The following CSMD1 variants were observed in gnomAD, a reference collection of about 807,000 sequenced individuals.
CSMD1 encodes the protein CUB and sushi domain-containing protein 1.
CSMD1 carries 213 observed loss-of-function variants against 417.5 expected under a neutral mutation model. That is an observed-to-expected ratio of 0.51 (90% confidence interval 0.46 to 0.57). The LOEUF (loss-of-function observed/expected upper bound fraction) is 0.57, where lower values mean the gene tolerates loss of function less well. Among genes scored for constraint, CSMD1 ranks in the 20% least tolerant of loss-of-function variants. CSMD1 has a pLI of 0.00. For synonymous variants in CSMD1, 2,862 were observed against 1,736.8 expected, an observed-to-expected ratio of 1.65 and a Z score of -16.11; for missense variants, 6,923 against 4,529.7, an observed-to-expected ratio of 1.53 and a Z score of -15.17.
intron 2 of CSMD1, among the ~76,000 whole-genome samples, chr8:4,544,321 T>G (rs1384272659): frequency 6.6e-6 from 1 of 152,158 alleles, no homozygotes; most frequent in Non-Finnish European, 1.5e-5. Flanking sequence ...CTAAATTTAT[T>G]TATTTAATTT....
intron 5 of CSMD1, among the ~76,000 whole-genome samples, chr8:3,969,245 G>A (rs745834513): frequency 6.6e-6 from 1 of 152,098 alleles, no homozygotes; most frequent in Non-Finnish European, 1.5e-5. Flanking sequence ...GTGAGACTCT[G>A]TCTCGATAAA....
At chr8:3,600,676 G>T (rs1157131979) in intron 8 of CSMD1, among the ~76,000 whole-genome samples, 1 of 152,142 alleles carries the variant, frequency 6.6e-6, no homozygotes, top group East Asian at 1.9e-4. Flanking sequence ...CATTGCTCTG[G>T]TCTAAAGCGA....
chr8:3,351,016 A>C (rs1808385000), intron 21 of CSMD1, among the ~76,000 whole-genome samples: 1 of 152,220 alleles, frequency 6.6e-6, no homozygotes, highest in South Asian at 2.1e-4. Context: ...GGCAAAAGCA[A>C]CTCACCATCC....
At chr8:3,555,338 G>A (rs1051757107) in intron 10 of CSMD1, among the ~76,000 whole-genome samples, 1 of 152,072 alleles carries the variant, frequency 6.6e-6, no homozygotes, top group African/African-American at 2.4e-5. Flanking sequence ...CTTGGGACAC[G>A]TTCAGGGTAT....
At chr8:4,378,182 T>C (rs1802876298) in intron 3 of CSMD1, among the ~76,000 whole-genome samples, 1 of 152,212 alleles carries the variant, frequency 6.6e-6, no homozygotes, top group South Asian at 2.1e-4. Flanking sequence ...ATATTGCGAC[T>C]CTAATCGGCG....
At chr8:3,171,094 T>A (rs1820555037) in intron 37 of CSMD1, among the ~76,000 whole-genome samples, 1 of 152,184 alleles carries the variant, frequency 6.6e-6, no homozygotes, top group Admixed American at 6.5e-5. Flanking sequence ...TGATTATAGT[T>A]CATGAGAATG....
In CSMD1 at chr8:4,387,570, CAAAAAAAAA is replaced by C. The variant is rs540419006; in HGVS notation, c.415+32374_415+32382del. Among the ~76,000 whole-genome samples the C allele has an allele frequency of 7.5e-3, 281 of 37,254 alleles. 6 individuals are homozygous for C. Among genetic ancestry groups the C allele is most frequent in the African/African-American group, 0.02 (270 of 13,714 alleles). 24.4% of individuals were successfully genotyped at this position (37,254 alleles called of 152,430 possible). A position where few individuals can be genotyped will look rare whatever the true frequency, so the allele number is the denominator to read the frequency against. ...GAAGAGATGCATAAATCCAAACTGG[CAAAAAAAAA>C]AAAAAAAAAAAAAGAGTTGAATGTT... On this transcript the variant is annotated intron_variant, in intron 3 of 69. Coordinates refer to ENST00000635120, the MANE Select transcript of CSMD1 (RefSeq NM_033225.6).
At chr8:3,237,367 T>G (rs1799214013) in intron 26 of CSMD1, among the ~76,000 whole-genome samples, 1 of 151,622 alleles carries the variant, frequency 6.6e-6, no homozygotes, top group African/African-American at 2.4e-5. Context: ...CTCGGGAGGC[T>G]GAGGCAGGAG....
intron 5 of CSMD1, among the ~76,000 whole-genome samples, chr8:3,826,195 C>G (rs1175268005): frequency 6.6e-6 from 1 of 152,090 alleles, no homozygotes; most frequent in Non-Finnish European, 1.5e-5. Context: ...CTGTGGAGGC[C>G]TTCACGGTGG....
intron 8 of CSMD1, among the ~76,000 whole-genome samples, chr8:3,604,902 G>A (rs1269153298): frequency 6.6e-6 from 1 of 152,008 alleles, no homozygotes; most frequent in African/African-American, 2.4e-5. Context: ...TTTGGGCTTG[G>A]GCTTGTTTGA....
rs1006225171 is a variant in CSMD1, at chr8:3,343,383, A to T, written c.3542T>A (p.Leu1181Gln). The T allele has an allele frequency of 1.9e-6, 3 of 1,613,722 alleles. No individual in the cohort carries two copies. The highest frequency in any genetic ancestry group is 2.7e-5 in the African/African-American group (2 of 74,918). Residue 1181 changes from leucine to glutamine, a missense_variant, in exon 23 of 70, where the codon CTG becomes CAG. Physicochemically the swap from Leu to Gln is moderately radical, Grantham distance 113. Transcript: ENST00000635120. ...GTGATTGGATGTGCTGTTTAGGATC[A>T]GCCCCAGAAGTTCATTTTTAGTGAA... ...GTFTKNELLG[L>Q]ILNSTSNHLW...
chr8:3,333,990 T>A (rs1298495688), intron 23 of CSMD1, among the ~76,000 whole-genome samples: 1 of 152,182 alleles, frequency 6.6e-6, no homozygotes, highest in Non-Finnish European at 1.5e-5. Flanking sequence ...AAAATCTAGT[T>A]CTTAAAAAGA....
chr8:4,150,800 T>C (rs1796529184), intron 3 of CSMD1, among the ~76,000 whole-genome samples: 1 of 152,108 alleles, frequency 6.6e-6, no homozygotes, highest in Non-Finnish European at 1.5e-5. Context: ...TTTGCGCACT[T>C]GCAGAGGTGT....
intron 1 of CSMD1, among the ~76,000 whole-genome samples, chr8:4,945,286 T>C (rs4507785): frequency 0.87 from 132,430 of 152,162 alleles, 59,096 homozygotes; most frequent in East Asian, 0.98. Context: ...AACAGAGTTT[T>C]AGTTTTGCAA....
At chr8:4,444,878 T>C (rs1043149400) in intron 2 of CSMD1, among the ~76,000 whole-genome samples, 4 of 152,198 alleles carry the variant, frequency 2.6e-5, no homozygotes, top group Non-Finnish European at 5.9e-5. Context: ...GCCAAGGTAA[T>C]TGATTGTTCA....
intron 6 of CSMD1, among the ~76,000 whole-genome samples, chr8:3,735,577 G>T (rs939729494): frequency 6.6e-6 from 1 of 152,180 alleles, no homozygotes; most frequent in Admixed American, 6.5e-5. Context: ...AGCATGACTT[G>T]CTTCAGTGTC....
chr8:3,368,239 T>C (rs146028676), intron 19 of CSMD1, among the ~76,000 whole-genome samples: 24 of 152,350 alleles, frequency 1.6e-4, no homozygotes, highest in African/African-American at 5.8e-4. Flanking sequence ...ACAGTACACA[T>C]AATAAAATGT....
In CSMD1 at chr8:3,884,567, T is replaced by C. The variant is rs577448632; in HGVS notation, c.818+113336A>G. Among the ~76,000 whole-genome samples, 66 of 152,286 alleles carry C rather than the reference T, an allele frequency of 4.3e-4. 1 individual carries two copies. Among genetic ancestry groups the C allele is most frequent in the African/African-American group, 1.5e-3 (64 of 41,570 alleles). On this transcript the variant is annotated intron_variant, in intron 5 of 69. Transcript: ENST00000635120. ...GACTCTGATATACCTGGGTGTGGAA[T>C]TGCACACATACACATGGAAACATCG...
intron 1 of CSMD1, among the ~76,000 whole-genome samples, chr8:4,851,154 G>C (rs1051803658): frequency 1.2e-4 from 16 of 132,284 alleles, no homozygotes; most frequent in African/African-American, 4.6e-4. Flanking sequence ...CTGTGTCCAT[G>C]TGTTATTATT....
Sources: allele counts gnomAD v4.1 joint callset (sites outside exome capture counted in the v4.1 genomes callset), GRCh38; gene constraint gnomAD v4.1.1; transcripts MANE v1.5; gene names NCBI Gene and HGNC (gene_info 2026-07-23, HGNC 2026-07-21).